The following KCNH8 variants were observed in gnomAD, a reference collection of about 807,000 sequenced individuals.
The protein encoded by KCNH8 is voltage-gated delayed rectifier potassium channel KCNH8.
Under a neutral mutation model 103.6 loss-of-function variants are expected in KCNH8, and 70 were observed. The ratio of observed to expected loss-of-function variants is 0.68; its 90% CI spans 0.56 to 0.82. The LOEUF is 0.82. Ranked by LOEUF, KCNH8 falls within the 40% of genes least tolerant of loss-of-function variation. The pLI is 0.00. For synonymous variants in KCNH8, 498 were observed against 489.4 expected (o/e 1.02, Z -0.23); for missense variants, 1,217 against 1,329.9 (o/e 0.92, Z 1.32).
intron 3 of KCNH8, among the ~76,000 whole-genome samples, chr3:19,338,361 C>A (rs1230542736): frequency 1.3e-5 from 2 of 152,006 alleles, no homozygotes; most frequent in African/African-American, 4.8e-5. Flanking sequence ...CAGATTTTAG[C>A]CCTCGGTCAT....
chr3:19,372,000 T>C (rs1250637699), intron 5 of KCNH8, among the ~76,000 whole-genome samples: 1 of 152,066 alleles, frequency 6.6e-6, no homozygotes, highest in East Asian at 1.9e-4. Context: ...TACCATGCTG[T>C]TTTGGTTACT....
chr3:19,339,472 T>C (rs2065629096), intron 3 of KCNH8, among the ~76,000 whole-genome samples: 2 of 152,142 alleles, frequency 1.3e-5, no homozygotes, highest in African/African-American at 2.4e-5. Context: ...GAGTAGTAAT[T>C]ACATTTTCAA....
chr3:19,221,072 T>C (rs956496947), intron 1 of KCNH8, among the ~76,000 whole-genome samples: 1 of 152,206 alleles, frequency 6.6e-6, no homozygotes, highest in Non-Finnish European at 1.5e-5. Flanking sequence ...GCCACACTTA[T>C]CTTCATATGG....
At chr3:19,207,958 A>T (rs2063733178) in intron 1 of KCNH8, among the ~76,000 whole-genome samples, 1 of 151,994 alleles carries the variant, frequency 6.6e-6, no homozygotes, top group Non-Finnish European at 1.5e-5. Context: ...GGATTTCAAG[A>T]TTTAAAAAAA....
chr3:19,519,298 A>C (rs1030135922), intron 15 of KCNH8, among the ~76,000 whole-genome samples: 3 of 151,866 alleles, frequency 2.0e-5, no homozygotes, highest in African/African-American at 7.3e-5. Flanking sequence ...TGATTTGATG[A>C]CACTTTGGGG....
intron 3 of KCNH8, among the ~76,000 whole-genome samples, chr3:19,311,594 A>T (rs2065209238): frequency 6.6e-6 from 1 of 151,748 alleles, no homozygotes; most frequent in Admixed American, 6.6e-5. Flanking sequence ...CATATCTGAG[A>T]GGGAGGGATC....
chr3:19,204,074 T>C (rs2063689197), intron 1 of KCNH8, among the ~76,000 whole-genome samples: 1 of 152,132 alleles, frequency 6.6e-6, no homozygotes, highest in East Asian at 1.9e-4. Context: ...AAAATTATAA[T>C]TTATTTGCAT....
intron 2 of KCNH8, among the ~76,000 whole-genome samples, chr3:19,274,424 G>T (rs994565965): frequency 2.6e-5 from 4 of 152,092 alleles, no homozygotes; most frequent in African/African-American, 9.7e-5. Context: ...GTACTCAGTT[G>T]TTCCATTTCC....
chr3:19,500,915 A>ATAGT (rs2068567155), intron 11 of KCNH8, among the ~76,000 whole-genome samples: 1 of 152,234 alleles, frequency 6.6e-6, no homozygotes, highest in East Asian at 1.9e-4. Context: ...AAGGCAAGAA[A>ATAGT]TAACTAAGAT....
intron 1 of KCNH8, among the ~76,000 whole-genome samples, chr3:19,237,475 C>G (rs552897184): frequency 9.2e-5 from 14 of 152,192 alleles, no homozygotes; most frequent in Non-Finnish European, 2.1e-4. Context: ...TTATAAAACC[C>G]TCTCCTTCAC....
chr3:19,350,439 C>A (rs2065784655), intron 5 of KCNH8, among the ~76,000 whole-genome samples: 1 of 152,112 alleles, frequency 6.6e-6, no homozygotes, highest in African/African-American at 2.4e-5. Context: ...TCAAGTGGGT[C>A]CCTGACCCCT....
intron 5 of KCNH8, among the ~76,000 whole-genome samples, chr3:19,379,046 A>C (rs1197430182): frequency 7.7e-6 from 1 of 129,708 alleles, no homozygotes; most frequent in Non-Finnish European, 1.9e-5. Flanking sequence ...GAAAAATAGT[A>C]AGCAGCTTTG....
At chr3:19,505,057 C>T (rs1300451209) in intron 11 of KCNH8, among the ~76,000 whole-genome samples, 1 of 149,336 alleles carries the variant, frequency 6.7e-6, no homozygotes, top group Non-Finnish European at 1.5e-5. Context: ...TATATACACA[C>T]ACAATCTCTA....
At chr3:19,257,132 G>A (rs2064356537) in intron 2 of KCNH8, among the ~76,000 whole-genome samples, 1 of 151,988 alleles carries the variant, frequency 6.6e-6, no homozygotes, top group Non-Finnish European at 1.5e-5. Flanking sequence ...ATATGCTTAT[G>A]ACTTCAAGTG....
At chr3:19,422,499 A>T (rs1185003189) in intron 7 of KCNH8, among the ~76,000 whole-genome samples, 2 of 152,232 alleles carry the variant, frequency 1.3e-5, no homozygotes, top group Non-Finnish European at 1.5e-5. Flanking sequence ...AGGGATTTTT[A>T]GTTCCATATT....
intron 3 of KCNH8, among the ~76,000 whole-genome samples, chr3:19,294,046 G>C (rs746241562): frequency 6.6e-6 from 1 of 152,038 alleles, no homozygotes; most frequent in African/African-American, 2.4e-5. Flanking sequence ...ATTCAAAGAC[G>C]ATTTTTCATG....
intron 2 of KCNH8, among the ~76,000 whole-genome samples, chr3:19,258,945 C>CTATATATATATATATATATATA (rs1165506732): frequency 2.4e-5 from 1 of 42,252 alleles, no homozygotes; most frequent in Non-Finnish European, 4.6e-5. Flanking sequence ...CTCTCTCTCT[C>CTATATATATATATATATATATA]TCTATATATA....
At position 19,533,811 on chromosome 3, in the gene KCNH8, C is replaced by G. The variant is rs770497263; in HGVS notation, c.3036C>G (p.Ile1012Met). 3.7e-6 allele frequency: 6 copies of G among 1,614,200 alleles called. No individual in the cohort carries two copies. The highest frequency in any genetic ancestry group is 5.1e-6 in the Non-Finnish European group (6 of 1,180,024). Residue 1012 changes from isoleucine to methionine, a missense_variant, in exon 16 of 16, where the codon ATC becomes ATG. By Grantham distance (10) the Ile-to-Met change is conservative. Around this residue, in one of 3 missense-constraint regions of KCNH8, gnomAD observed 558 missense variants for 495.8 expected, o/e 1.13. Coordinates refer to ENST00000328405, the MANE Select transcript of KCNH8 (RefSeq NM_144633.3). ...QEGHLQFLRC[I>M]SPHSDSTLTP... ...GTCATTTGCAATTTTTAAGGTGCAT[C>G]TCTCCACATTCAGATTCTACGTTGA... is the stretch of plus-strand genomic sequence containing the variant.
At chr3:19,504,680 A>T (rs938225810) in intron 11 of KCNH8, among the ~76,000 whole-genome samples, 1 of 152,198 alleles carries the variant, frequency 6.6e-6, no homozygotes, top group Non-Finnish European at 1.5e-5. Context: ...AGAAAATAAC[A>T]GATGCTGGAA....
Sources: gnomAD v4.1 joint callset for allele counts (sites outside exome capture counted in the v4.1 genomes callset) on GRCh38, gnomAD v4.1.1 for gene constraint, gnomAD v4.1.1 regional missense constraint, MANE v1.5 for transcripts, NCBI Gene and HGNC (gene_info 2026-07-23, HGNC 2026-07-21) for gene names.